Variants in SEMA3A observed in about 807,000 individuals in gnomAD.
SEMA3A encodes semaphorin-3A.
Under a neutral mutation model 97.9 loss-of-function variants are expected in SEMA3A, and 29 were observed. The ratio of observed to expected loss-of-function variants is 0.30; its 90% CI spans 0.22 to 0.40. The LOEUF (loss-of-function observed/expected upper bound fraction) is 0.40, where lower values mean the gene tolerates loss of function less well. Among genes scored for constraint, SEMA3A ranks in the 10% least tolerant of loss-of-function variants. SEMA3A has a pLI of 1.00. For missense variants in SEMA3A, 763 were observed against 951.3 expected (o/e 0.80, Z 2.60); for synonymous variants, 321 against 323.7 (o/e 0.99, Z 0.09).
intron 3 of SEMA3A, among the ~76,000 whole-genome samples, chr7:84,258,920 T>TC (rs1441808203): frequency 6.6e-6 from 1 of 151,792 alleles, no homozygotes; most frequent in East Asian, 1.9e-4. Context: ...TTTTTTTTTT[T>TC]CCTTTTCTGA....
chr7:84,307,916 C>T (rs1334867557), intron 2 of SEMA3A, among the ~76,000 whole-genome samples: 1 of 151,382 alleles, frequency 6.6e-6, no homozygotes, highest in Non-Finnish European at 1.5e-5. Context: ...GTACACATTT[C>T]ATAGTTGAAT....
At chr7:84,222,856 T>C (rs1485487690) in intron 3 of SEMA3A, among the ~76,000 whole-genome samples, 1 of 151,910 alleles carries the variant, frequency 6.6e-6, no homozygotes, top group Non-Finnish European at 1.5e-5. Flanking sequence ...GGGAAGCTTT[T>C]GCAAAATACA....
At chr7:84,174,206 CCCT>C (rs1348854271) in intron 1 of SEMA3A, among the ~76,000 whole-genome samples, 1 of 152,032 alleles carries the variant, frequency 6.6e-6, no homozygotes, top group East Asian at 1.9e-4. Flanking sequence ...AAAACCGTTC[CCCT>C]CCACCAGCCA....
Position 84,141,033 on chromosome 7 carries a change from G to A in SEMA3A, c.113-6082C>T, listed in dbSNP as rs543759752. On this transcript the variant is annotated intron_variant, in intron 1 of 16. Transcript: ENST00000265362. Reference sequence around the variant, plus strand: ...ACTAGTTTTTAACATTTTATTACACGCAAGATTAGGACCTTTCCACAGACT... The same window carrying A: ...ACTAGTTTTTAACATTTTATTACACACAAGATTAGGACCTTTCCACAGACT... Among the ~76,000 whole-genome samples the A allele has an allele frequency of 5.9e-5, 9 of 152,074 alleles. No individual in the cohort carries two copies. The South Asian group carries it at 1.5e-3, about 25-fold the overall frequency.
At chr7:84,025,357 C>T (rs1172106002) in intron 6 of SEMA3A, among the ~76,000 whole-genome samples, 1 of 152,126 alleles carries the variant, frequency 6.6e-6, no homozygotes, top group Non-Finnish European at 1.5e-5. Flanking sequence ...ACCAGGATGG[C>T]AGCCACAGTG....
intron 4 of SEMA3A, among the ~76,000 whole-genome samples, chr7:84,067,973 C>T (rs1451522050): frequency 5.2e-5 from 7 of 134,940 alleles, no homozygotes; most frequent in African/African-American, 1.5e-4. Flanking sequence ...CACATGCACA[C>T]GTATGTTTAT....
intron 2 of SEMA3A, among the ~76,000 whole-genome samples, chr7:84,321,416 G>T (rs1047568246): frequency 6.6e-6 from 1 of 152,082 alleles, no homozygotes; most frequent in Non-Finnish European, 1.5e-5. Flanking sequence ...CAATCTCTCT[G>T]CACAGTAAAA....
At chr7:84,109,755 T>C (rs1269145161) in intron 4 of SEMA3A, among the ~76,000 whole-genome samples, 1 of 152,198 alleles carries the variant, frequency 6.6e-6, no homozygotes, top group African/African-American at 2.4e-5. Context: ...TGAACACTTT[T>C]GTTCCTCTTA....
chr7:84,047,249 G>A (rs777024489), intron 5 of SEMA3A, among the ~76,000 whole-genome samples: 4 of 151,780 alleles, frequency 2.6e-5, no homozygotes, highest in South Asian at 2.1e-4. Context: ...ATATCCAGAC[G>A]GTAAAGAATA....
At chr7:84,114,801 C>T (rs944380497) in intron 3 of SEMA3A, among the ~76,000 whole-genome samples, 3 of 152,118 alleles carry the variant, frequency 2.0e-5, no homozygotes, top group Non-Finnish European at 4.4e-5. Context: ...TGTGCTATTA[C>T]AGCTGTAATC....
intron 1 of SEMA3A, among the ~76,000 whole-genome samples, chr7:84,382,834 T>A (rs887422884): frequency 6.6e-6 from 1 of 151,754 alleles, no homozygotes; most frequent in Non-Finnish European, 1.5e-5. Context: ...GCCGAGATCA[T>A]GCCACTGCAC....
intron 1 of SEMA3A, among the ~76,000 whole-genome samples, chr7:84,442,666 AAGAT>A (rs1805301861): frequency 6.6e-6 from 1 of 152,144 alleles, no homozygotes. Flanking sequence ...CAAAATTAAA[AAGAT>A]AGCAGAATGG....
chr7:84,163,357 C>T (rs1029317481), intron 1 of SEMA3A, among the ~76,000 whole-genome samples: 2 of 151,578 alleles, frequency 1.3e-5, no homozygotes, highest in African/African-American at 4.9e-5. Flanking sequence ...GCATAGTGAG[C>T]GAAGGTAGAT....
At chr7:84,420,000 G>A (rs1804542927) in intron 1 of SEMA3A, among the ~76,000 whole-genome samples, 1 of 152,134 alleles carries the variant, frequency 6.6e-6, no homozygotes, top group African/African-American at 2.4e-5. Flanking sequence ...ATGACCATAA[G>A]TGACACTGAA....
chr7:84,415,693 A>G (rs979592271), intron 1 of SEMA3A, among the ~76,000 whole-genome samples: 1 of 152,112 alleles, frequency 6.6e-6, no homozygotes, highest in Non-Finnish European at 1.5e-5. Flanking sequence ...GAGGACATCA[A>G]TAATGAAATA....
At chr7:84,466,785 C>T (rs1806010869) in intron 1 of SEMA3A, among the ~76,000 whole-genome samples, 1 of 152,136 alleles carries the variant, frequency 6.6e-6, no homozygotes, top group South Asian at 2.1e-4. Flanking sequence ...GTGAGTGAGT[C>T]CCTAGCTGGG....
chr7:84,194,093 T>C (rs1798135018), intron 1 of SEMA3A, among the ~76,000 whole-genome samples: 1 of 152,150 alleles, frequency 6.6e-6, no homozygotes, highest in Non-Finnish European at 1.5e-5. Flanking sequence ...ATAGTAATTA[T>C]AGGTAAGGCA....
intron 1 of SEMA3A, among the ~76,000 whole-genome samples, chr7:84,381,053 G>T (rs2116139619): frequency 6.6e-6 from 1 of 152,114 alleles, no homozygotes; most frequent in South Asian, 2.1e-4. Context: ...GACATCTCTG[G>T]GAACCATCGT....
intron 15 of SEMA3A, among the ~76,000 whole-genome samples, chr7:83,967,149 T>C (rs1191246482): frequency 9.2e-5 from 14 of 152,188 alleles, no homozygotes. Context: ...ATTTGGGTGT[T>C]CAGAAGTAAA....
Sources: gnomAD v4.1 joint callset for allele counts (sites outside exome capture counted in the v4.1 genomes callset) on GRCh38, gnomAD v4.1.1 for gene constraint, MANE v1.5 for transcripts, NCBI Gene and HGNC (gene_info 2026-07-23, HGNC 2026-07-21) for gene names.